Variants in SVEP1 observed in about 807,000 individuals in gnomAD.
SVEP1 encodes the protein sushi, von Willebrand factor type A, EGF and pentraxin domain containing 1.
SVEP1 carries 164 observed loss-of-function variants against 367.3 expected under a neutral mutation model. The ratio of observed to expected loss-of-function variants is 0.45; its 90% confidence interval spans 0.39 to 0.51. The LOEUF is 0.51. SVEP1 is among the 20% of genes least tolerant of loss of function. SVEP1 has a pLI of 0.00. For synonymous variants in SVEP1, 1,666 were observed against 1,611.6 expected, an observed-to-expected ratio of 1.03 and a Z score of -0.81; for missense variants, 4,117 against 4,425.3, an observed-to-expected ratio of 0.93 and a Z score of 1.98.
intron 1 of SVEP1, among the ~76,000 whole-genome samples, chr9:110,552,089 T>C (rs1830294870): frequency 7.3e-6 from 1 of 137,218 alleles, no homozygotes; most frequent in Admixed American, 8.2e-5. Flanking sequence ...TGGAGTGCAG[T>C]GGTGCGATCT....
chr9:110,447,070 A>G lies in SVEP1; in HGVS notation c.4104-13T>C. The G allele has an allele frequency of 1.4e-6, 2 of 1,471,166 alleles. No homozygotes were observed. Among genetic ancestry groups the G allele is most frequent in the Non-Finnish European group, 1.8e-6 (2 of 1,113,132 alleles). 91.1% of individuals were successfully genotyped at this position (1,471,166 alleles called of 1,614,324 possible). On this transcript the variant is annotated splice_polypyrimidine_tract_variant and intron_variant, in intron 24 of 47. Transcript: ENST00000374469. ...TGCACACAGGCATCTGAAAGAAAACAAAATGTTGTAACAATTAGAACAGTT... is the reference window on the plus strand; with the variant it reads ...TGCACACAGGCATCTGAAAGAAAACGAAATGTTGTAACAATTAGAACAGTT...
At position 110,458,979 on chromosome 9, in the gene SVEP1, C is replaced by T. The variant is rs1174477499; in HGVS notation, c.3457G>A (p.Gly1153Ser). ...GAACATTCTGTGATGGATCTGGAAC[C>T]AGCGAATGGGGTAGTTCCATAAAAG... Reference protein sequence around the residue: ...CPFYGTTPFAGSRSITECSSF... With the variant: ...CPFYGTTPFASSRSITECSSF... The change falls in exon 19 of 48, where the codon GGT (glycine) becomes AGT (serine). Residue 1153 changes from glycine (G) to serine (S), a missense_variant. By Grantham distance (56) the Gly-to-Ser change is moderately conservative. This residue lies in a region of SVEP1 where 2,174 missense variants were observed against 2,494.3 expected (regional missense o/e 0.87). Coordinates refer to ENST00000374469, the MANE Select transcript of SVEP1 (RefSeq NM_153366.4). The T allele has an allele frequency of 1.9e-6, 3 of 1,613,356 alleles. No homozygotes were observed. The African/African-American group carries it at 4.0e-5, about 22-fold the overall frequency.
In SVEP1 at chr9:110,406,811, G is replaced by A. The variant is rs370606125; in HGVS notation, c.8789C>T (p.Thr2930Ile). 3.1e-6 allele frequency: 5 copies of A among 1,614,032 alleles called. No homozygotes were observed. Among genetic ancestry groups the A allele is most frequent in the African/African-American group, 1.3e-5 (1 of 75,052 alleles). ...GYILHGAPKL[T>I]CQSDGNWDAE... ...ATCCCAGTTGCCATCTGACTGACAG[G>A]TGAGTTTTGGAGCACCGTGCAAGAT... Residue 2930 changes from threonine to isoleucine, a missense_variant, in exon 38 of 48, where the codon ACC becomes ATC. Thr to Ile is a moderately conservative substitution (Grantham distance 89, BLOSUM62 -1). This residue lies in a region of SVEP1 where 1,765 missense variants were observed against 1,781.1 expected (regional missense o/e 0.99). Transcript: ENST00000374469.
chr9:110,427,869 C>T (rs538820677), intron 35 of SVEP1, 111 bp from the exon 36 acceptor site: 399 of 1,250,056 alleles, frequency 3.2e-4, no homozygotes, highest in Non-Finnish European at 4.2e-4. Context: ...TTTGAGTACA[C>T]AAAAATAGCA....
At chr9:110,446,774 A>G (rs1159236645) in intron 25 of SVEP1, 126 bp downstream of exon 25, 1 of 712,618 alleles carries the variant, frequency 1.4e-6, no homozygotes, top group African/African-American at 1.8e-5. Flanking sequence ...TGAAGATTAA[A>G]TGAGTACAAA....
At chr9:110,390,341 T>TTATATATATACTTATA in intron 40 of SVEP1, among the ~76,000 whole-genome samples, 4 of 30,396 alleles carry the variant, frequency 1.3e-4, no homozygotes, top group African/African-American at 1.1e-3. Context: ...ATACACATAC[T>TTATATATATACTTATA]TATATACACT....
Position 110,431,910 on chromosome 9 carries a change from G to A in SVEP1, c.5353+5C>T, listed in dbSNP as rs1828355420. 1 of 1,613,378 alleles carries A rather than the reference G, an allele frequency of 6.2e-7. No homozygotes were observed. Among genetic ancestry groups the A allele is most frequent in the East Asian group, 2.2e-5 (1 of 44,828 alleles). On this transcript the variant is annotated splice_donor_5th_base_variant and intron_variant, in intron 32 of 47. Transcript: ENST00000374469. ...GGAACTTTTAGTTCTACATATATTGGTTACCTGCACAGTTTTTCCCATCTC... is the reference window on the plus strand; with the variant it reads ...GGAACTTTTAGTTCTACATATATTGATTACCTGCACAGTTTTTCCCATCTC...
intron 39 of SVEP1, among the ~76,000 whole-genome samples, chr9:110,401,447 A>C (rs1179945236): frequency 2.0e-5 from 3 of 151,776 alleles, no homozygotes; most frequent in Non-Finnish European, 2.9e-5. Flanking sequence ...AGTTTAAGAA[A>C]ATCAGCTTCC....
At position 110,408,797 on chromosome 9, in the gene SVEP1, G is replaced by A; in HGVS notation, c.6803C>T (p.Pro2268Leu). The A allele has an allele frequency of 1.2e-6, 2 of 1,613,078 alleles. No individual in the cohort carries two copies. The highest frequency in any genetic ancestry group is 1.7e-6 in the Non-Finnish European group (2 of 1,179,880). ...MCVPLDCGKP[P>L]PIQNGFMKGE... ...TTTCATGAAGCCATTCTGGATCGGG[G>A]GAGGTTTTCCACAGTCGAGAGGAAC... The change falls in exon 38 of 48, where the codon CCC becomes CTC. Residue 2268 changes from proline to leucine, a missense_variant. By Grantham distance (98) the Pro-to-Leu change is moderately conservative (BLOSUM62 -3). Transcript: ENST00000374469.
chr9:110,540,770 T>C (rs1830134387), intron 3 of SVEP1, among the ~76,000 whole-genome samples: 1 of 152,192 alleles, frequency 6.6e-6, no homozygotes, highest in Admixed American at 6.6e-5. Context: ...AAGACTGGTA[T>C]TCAAGTTAGG....
chr9:110,393,684 TA>T (rs138802506), intron 40 of SVEP1, among the ~76,000 whole-genome samples: 1 of 152,114 alleles, frequency 6.6e-6, no homozygotes, highest in Non-Finnish European at 1.5e-5. Flanking sequence ...CCAACAGGCT[TA>T]AAAAACAGCA....
Position 110,446,224 on chromosome 9 carries a change from G to A in SVEP1, c.4262-186C>T, listed in dbSNP as rs574159250. 3.4e-4 allele frequency among the ~76,000 whole-genome samples: 52 copies of A among 152,278 alleles called. 1 individual carries two copies. The South Asian group carries it at 0.011, about 31-fold the overall frequency. On this transcript the variant is annotated intron_variant, in intron 25 of 47. Coordinates refer to ENST00000374469, the MANE Select transcript of SVEP1 (RefSeq NM_153366.4). ...CATTCTTTTAAATAAAATAACCAGT[G>A]AGTATATAAGATAGGAAAAGCATTC...
At chr9:110,550,664 C>T (rs1830275070) in intron 1 of SVEP1, among the ~76,000 whole-genome samples, 1 of 151,890 alleles carries the variant, frequency 6.6e-6, no homozygotes, top group African/African-American at 2.4e-5. Flanking sequence ...CTTGCTCCTC[C>T]AAAAAATGTA....
At position 110,489,785 on chromosome 9, in the gene SVEP1, G is replaced by A; in HGVS notation, c.1801-6C>T. ...GGATGAACGTGGACTGACACCTATT[G>A]GAGATACACAAATATTTTGAAAGTT... On this transcript the variant is annotated splice_region_variant and splice_polypyrimidine_tract_variant and intron_variant, in intron 8 of 47. Transcript: ENST00000374469. 1 of 1,602,632 alleles carries A rather than the reference G, an allele frequency of 6.2e-7. No homozygotes were observed. Among genetic ancestry groups the A allele is most frequent in the Non-Finnish European group, 8.5e-7 (1 of 1,175,342 alleles).
chr9:110,571,886 A>G lies in SVEP1; in HGVS notation c.531+7127T>C, dbSNP rs116588039. On this transcript the variant is annotated intron_variant, in intron 1 of 47. Transcript: ENST00000374469. ...AAGCCAAAAAGCCAGATTTTTGAAA[A>G]CATGCTATCTCCTGATTTTAAAATG... is the stretch of plus-strand genomic sequence containing the variant. 8.8e-3 allele frequency among the ~76,000 whole-genome samples: 1,342 copies of G among 152,318 alleles called. 14 individuals are homozygous for G. The highest frequency in any genetic ancestry group is 0.031 in the African/African-American group (1,279 of 41,568).
At chr9:110,417,037 G>T (rs1169781) in intron 36 of SVEP1, among the ~76,000 whole-genome samples, 1 of 151,508 alleles carries the variant, frequency 6.6e-6, no homozygotes, top group Non-Finnish European at 1.5e-5. Context: ...AAGGAATTCT[G>T]AATAGCAACA....
chr9:110,558,513 C>CAAAAA, intron 1 of SVEP1, among the ~76,000 whole-genome samples: 1 of 90,778 alleles, frequency 1.1e-5, no homozygotes, highest in Non-Finnish European at 2.1e-5. Context: ...GACCCTGTCT[C>CAAAAA]AAAAAAAAAA....
chr9:110,400,445 A>C (rs10759430), intron 40 of SVEP1, among the ~76,000 whole-genome samples: 109,653 of 151,538 alleles, frequency 0.72, 39,832 homozygotes, highest in Middle Eastern at 0.81. Context: ...CAGCTCACTG[A>C]AACCTATGCC....
intron 24 of SVEP1, among the ~76,000 whole-genome samples, chr9:110,449,555 C>T (rs998010805): frequency 3.3e-5 from 5 of 152,086 alleles, no homozygotes; most frequent in African/African-American, 1.2e-4. Flanking sequence ...TGGTGGCAGG[C>T]ACCTGTAATC....
Sources: gnomAD v4.1 joint callset for allele counts (sites outside exome capture counted in the v4.1 genomes callset) on GRCh38, gnomAD v4.1.1 for gene constraint, gnomAD v4.1.1 regional missense constraint, MANE v1.5 for transcripts, NCBI Gene and HGNC (gene_info 2026-07-23, HGNC 2026-07-21) for gene names.